CNBD1: variants seen among roughly 807,000 people sequenced by gnomAD.
CNBD1 encodes the protein cyclic nucleotide binding domain containing 1.
Under a neutral mutation model 54.4 loss-of-function variants are expected in CNBD1, and 71 were observed. The ratio of observed to expected loss-of-function variants is 1.30; its 90% CI spans 1.08 to 1.59. The LOEUF (loss-of-function observed/expected upper bound fraction) is 1.59, where lower values mean the gene tolerates loss of function less well. Among genes scored for constraint, CNBD1 ranks in the 40% most tolerant of loss-of-function variants. The probability of loss-of-function intolerance (pLI) is 0.00; values close to 1 mark genes in which losing one functional copy is unlikely to be tolerated. For missense variants in CNBD1, 659 were observed against 518.0 expected (o/e 1.27, Z -2.64); for synonymous variants, 182 against 170.7 (o/e 1.07, Z -0.51).
At chr8:87,204,154 G>A (rs1307409550) in intron 4 of CNBD1, among the ~76,000 whole-genome samples, 1 of 152,110 alleles carries the variant, frequency 6.6e-6, no homozygotes, top group African/African-American at 2.4e-5. Context: ...ACTTTTTTTG[G>A]AGCATAATAT....
In CNBD1 at chr8:87,286,709, C is replaced by T. The variant is rs918362476; in HGVS notation, c.1042+38C>T. 2.8e-6 allele frequency: 4 copies of T among 1,410,412 alleles called. No homozygotes were observed. In the African/African-American group the frequency reaches 5.8e-5, roughly 20 times the overall value. 87.4% of individuals were successfully genotyped at this position (1,410,412 alleles called of 1,614,324 possible). A position where few individuals can be genotyped will look rare whatever the true frequency, so the allele number is the denominator to read the frequency against. ...CAATTTAGATCATTTTGTTTGCATT[C>T]TGTTATATTATTGGAATTGAAATTC... On this transcript the variant is annotated intron_variant, in intron 8 of 10. Coordinates refer to ENST00000518476, the MANE Select transcript of CNBD1 (RefSeq NM_173538.3).
chr8:87,415,469 C>T (rs141190427), intron 2 of CNBD1, among the ~76,000 whole-genome samples: 20 of 152,100 alleles, frequency 1.3e-4, no homozygotes, highest in Admixed American at 1.2e-3. Context: ...GTGTCCCTAT[C>T]AAAGGAGCAC....
At chr8:87,301,363 T>C (rs1411502506) in intron 8 of CNBD1, among the ~76,000 whole-genome samples, 2 of 152,130 alleles carry the variant, frequency 1.3e-5, no homozygotes, top group African/African-American at 2.4e-5. Flanking sequence ...AGCATCACCC[T>C]AATACCAAAA....
chr8:87,326,591 C>T lies in CNBD1; in HGVS notation c.1043-25094C>T, dbSNP rs1372470480. Among the ~76,000 whole-genome samples the T allele has an allele frequency of 5.2e-5, 6 of 116,294 alleles. 1 individual carries two copies. Among genetic ancestry groups the T allele is most frequent in the South Asian group, 2.5e-4 (1 of 3,930 alleles). 76.3% of individuals were successfully genotyped at this position (116,294 alleles called of 152,430 possible). ...GCTGATACCCTTTCTTCCAGTTGAT[C>T]GCATCGGCTCCTGAGGCTTCTGCAT... On this transcript the variant is annotated intron_variant, in intron 8 of 10. Transcript: ENST00000518476.
At chr8:86,866,970 A>C (rs1213880910) in intron 1 of CNBD1, among the ~76,000 whole-genome samples, 2 of 152,186 alleles carry the variant, frequency 1.3e-5, no homozygotes, top group African/African-American at 4.8e-5. Flanking sequence ...TAATGGGATA[A>C]TTAATACTTA....
intron 4 of CNBD1, among the ~76,000 whole-genome samples, chr8:86,965,823 G>C (rs1357416043): frequency 6.6e-6 from 1 of 152,162 alleles, no homozygotes; most frequent in Non-Finnish European, 1.5e-5. Flanking sequence ...ACCTGCAGCA[G>C]GTAGCTCCTC....
At chr8:87,413,292 A>T (rs1807779304) in intron 2 of CNBD1, among the ~76,000 whole-genome samples, 3 of 152,026 alleles carry the variant, frequency 2.0e-5, no homozygotes, top group Admixed American at 6.6e-5. Context: ...GGGTCCCAAG[A>T]TTCTATTTTT....
intron 4 of CNBD1, among the ~76,000 whole-genome samples, chr8:87,052,240 G>A (rs1204054314): frequency 6.6e-6 from 1 of 152,142 alleles, no homozygotes; most frequent in Admixed American, 6.5e-5. Flanking sequence ...TTTTTCTGAG[G>A]TGCTACTCAG....
At chr8:87,066,762 T>C (rs895018593) in intron 4 of CNBD1, among the ~76,000 whole-genome samples, 10 of 151,960 alleles carry the variant, frequency 6.6e-5, no homozygotes, top group Non-Finnish European at 5.9e-5. Flanking sequence ...TAATTTAATA[T>C]TTTGAAAACT....
chr8:86,898,265 G>A (rs1004366927), intron 2 of CNBD1, among the ~76,000 whole-genome samples: 3 of 152,076 alleles, frequency 2.0e-5, no homozygotes, highest in African/African-American at 7.2e-5. Flanking sequence ...TTTCTCTGAG[G>A]GTGGTGAAAA....
chr8:86,952,747 G>A (rs190284833), intron 4 of CNBD1, among the ~76,000 whole-genome samples: 1 of 152,058 alleles, frequency 6.6e-6, no homozygotes, highest in Admixed American at 6.5e-5. Context: ...TAAACTGTGC[G>A]ATGTGATAAC....
At chr8:87,107,107 C>T (rs1018604350) in intron 4 of CNBD1, among the ~76,000 whole-genome samples, 11 of 152,172 alleles carry the variant, frequency 7.2e-5, no homozygotes, top group Middle Eastern at 3.2e-3. Flanking sequence ...GGATTACAGA[C>T]GTGAGCCACC....
chr8:87,295,450 T>C (rs1178595304), intron 8 of CNBD1, among the ~76,000 whole-genome samples: 1 of 151,396 alleles, frequency 6.6e-6, no homozygotes, highest in Non-Finnish European at 1.5e-5. Context: ...TAGATAATAA[T>C]TAAATTAAAA....
Position 87,289,257 on chromosome 8 carries a change from A to C in CNBD1, c.1042+2586A>C, listed in dbSNP as rs76539933. Among the ~76,000 whole-genome samples, 4 of 152,308 alleles carry C rather than the reference A, an allele frequency of 2.6e-5. No homozygotes were observed. In the East Asian group the frequency reaches 7.7e-4, roughly 29 times the overall value. ...TTAATCCTTGGCAATCAATGAAATAAGTAAAGCTTGTATCTGACTCTATTT... is the reference window on the plus strand; with the variant it reads ...TTAATCCTTGGCAATCAATGAAATACGTAAAGCTTGTATCTGACTCTATTT... On this transcript the variant is annotated intron_variant, in intron 8 of 10. Coordinates refer to ENST00000518476, the MANE Select transcript of CNBD1 (RefSeq NM_173538.3).
intron 4 of CNBD1, among the ~76,000 whole-genome samples, chr8:87,030,653 G>A (rs555470802): frequency 2.6e-5 from 4 of 152,152 alleles, no homozygotes; most frequent in South Asian, 4.1e-4. Context: ...ATTCAGGGAT[G>A]CACTGTATCA....
At chr8:87,060,008 T>C (rs1279187085) in intron 4 of CNBD1, among the ~76,000 whole-genome samples, 1 of 152,212 alleles carries the variant, frequency 6.6e-6, no homozygotes, top group Non-Finnish European at 1.5e-5. Flanking sequence ...GGACACAGCA[T>C]CTGGACCCTC....
At chr8:87,209,280 G>A (rs1182827237) in intron 5 of CNBD1, among the ~76,000 whole-genome samples, 2 of 152,060 alleles carry the variant, frequency 1.3e-5, no homozygotes, top group African/African-American at 4.8e-5. Context: ...AATTTTATGA[G>A]GCCAGCATTA....
intron 5 of CNBD1, among the ~76,000 whole-genome samples, chr8:87,225,748 G>C (rs1482192219): frequency 2.0e-5 from 3 of 151,174 alleles, no homozygotes; most frequent in African/African-American, 7.3e-5. Flanking sequence ...AATGATGCTG[G>C]CCTCATAAAA....
chr8:87,371,921 C>T (rs1228971484), intron 10 of CNBD1, among the ~76,000 whole-genome samples: 5 of 151,848 alleles, frequency 3.3e-5, no homozygotes, highest in Non-Finnish European at 7.4e-5. Context: ...CCTTTGAAAA[C>T]TGGCACAAGA....
Sources: allele counts gnomAD v4.1 joint callset (sites outside exome capture counted in the v4.1 genomes callset), GRCh38; gene constraint gnomAD v4.1.1; transcripts MANE v1.5; gene names NCBI Gene and HGNC (gene_info 2026-07-23, HGNC 2026-07-21).